Variants in EVPL observed in about 807,000 individuals in gnomAD.
EVPL encodes the protein envoplakin, also known as 210 kDa cornified envelope precursor protein.
Under a neutral mutation model 129.7 loss-of-function variants are expected in EVPL, and 94 were observed. The observed-to-expected ratio is 0.72, with a 90% CI of 0.61 to 0.86. The LOEUF is 0.86. Ranked by LOEUF, EVPL falls within the 40% of genes least tolerant of loss-of-function variation. The pLI is 0.00. For synonymous variants in EVPL, 1,172 were observed against 1,191.1 expected (o/e 0.98, Z 0.33); for missense variants, 2,625 against 2,721.1 (o/e 0.96, Z 0.79).
Position 76,017,863 on chromosome 17 carries a change from G to A in EVPL, c.1586C>T (p.Thr529Ile). 6.2e-7 allele frequency: 1 copy of A among 1,614,102 alleles called. No homozygotes were observed. Among genetic ancestry groups the A allele is most frequent in the Non-Finnish European group, 8.5e-7 (1 of 1,180,030 alleles). Residue 529 changes from threonine (T) to isoleucine (I), a missense_variant, in exon 14 of 22, where the codon ACA becomes ATA. By Grantham distance (89) the Thr-to-Ile change is moderately conservative. Transcript: ENST00000301607. Reference protein sequence around the residue: ...LANPQAQKLLTQMTRLDGDLG... With the variant: ...LANPQAQKLLIQMTRLDGDLG... ...GTCTCCATCCAGCCGGGTCATCTGT[G>A]TCAGGAGCTTCTGGGCCTGTGGGTT... is the stretch of plus-strand genomic sequence containing the variant.
intron 21 of EVPL, among the ~76,000 whole-genome samples, chr17:76,010,889 C>T (rs2066371961): frequency 6.6e-6 from 1 of 152,102 alleles, no homozygotes; most frequent in African/African-American, 2.4e-5. Context: ...AGTGAAACCC[C>T]ATCTCTACTA....
intron 9 of EVPL, among the ~76,000 whole-genome samples, chr17:76,020,554 T>C (rs898947065): frequency 2.6e-5 from 4 of 152,070 alleles, no homozygotes; most frequent in African/African-American, 7.2e-5. Context: ...TATAGGAAAA[T>C]GTATGAAACA....
chr17:76,018,321 A>G, intron 12 of EVPL, 63 bp from the exon 13 acceptor site: 2 of 1,516,832 alleles, frequency 1.3e-6, no homozygotes, highest in Non-Finnish European at 1.8e-6. Flanking sequence ...CCCCAGCCCC[A>G]GTAGACGCAG....
chr17:76,014,325 G>T (rs2066400001), intron 18 of EVPL, 101 bp downstream of exon 18: 2 of 1,450,434 alleles, frequency 1.4e-6, no homozygotes, highest in Admixed American at 4.9e-5. Context: ...AGGGGCCCAG[G>T]GCCTCCGTGG....
rs1363844681 is a variant in EVPL, at chr17:76,010,253, C to T, written c.2952G>A (p.Lys984=). 6 of 1,613,924 alleles carry T rather than the reference C, an allele frequency of 3.7e-6. No homozygotes were observed. Among genetic ancestry groups the T allele is most frequent in the Non-Finnish European group, 5.1e-6 (6 of 1,180,036 alleles). The change falls in exon 22 of 22, where the codon AAG becomes AAA. Residue 984 remains lysine (K), a synonymous_variant. Coordinates refer to ENST00000301607, the MANE Select transcript of EVPL (RefSeq NM_001988.4). The part of the protein sequence containing the change: ...RVKAQVEEEG[K]RRAGLQADLE... ...GGTCTGCCTGCAGGCCAGCCCGCCG[C>T]TTGCCCTCCTCCTCCACCTGGGCCT...
chr17:76,016,474 G>C (rs1207036374), intron 14 of EVPL, among the ~76,000 whole-genome samples: 2 of 152,224 alleles, frequency 1.3e-5, no homozygotes, highest in East Asian at 3.8e-4. Flanking sequence ...TGTGGCAGAT[G>C]CTATGACTTC....
At position 76,018,074 on chromosome 17, in the gene EVPL, C is replaced by T. The variant is rs375909732; in HGVS notation, c.1537+87G>A. 3.2e-4 allele frequency: 495 copies of T among 1,533,014 alleles called. 1 individual carries two copies. The East Asian group carries it at 5.3e-3, about 16-fold the overall frequency. The allele number at this position is 1,533,014 out of a possible 1,614,324, so 95.0% of individuals were successfully genotyped here. On this transcript the variant is annotated intron_variant, in intron 13 of 21. Transcript: ENST00000301607. ...CAGAGTGATGGTCCCTAACCCAAGG[C>T]GACCCCTGCCCATCACAGACCAGTC... is the stretch of plus-strand genomic sequence containing the variant.
chr17:76,009,816 A>T lies in EVPL; in HGVS notation c.3389T>A (p.Val1130Glu). Residue 1130 changes from valine to glutamate, a missense_variant, in exon 22 of 22, where the codon GTG becomes GAG. By Grantham distance (121) the Val-to-Glu change is moderately radical. This residue lies in a region of EVPL where 1,453 missense variants were observed against 1,511.8 expected (regional missense o/e 0.96). Transcript: ENST00000301607. The surrounding 1 kb of genome is among the most constrained non-coding windows in gnomAD (Gnocchi z 5.9). Reference protein sequence around the residue: ...IEDLERAISSVEPKVIVKEVK... With the variant: ...IEDLERAISSEEPKVIVKEVK... ...CTCCTTCACGATGACCTTGGGCTCC[A>T]CCGAGCTGATAGCCCGCTCCAGGTC... 5.0e-6 allele frequency: 8 copies of T among 1,613,888 alleles called. No individual in the cohort carries two copies. Among genetic ancestry groups the T allele is most frequent in the Non-Finnish European group, 5.9e-6 (7 of 1,180,004 alleles).
Position 76,017,909 on chromosome 17 carries a change from G to C in EVPL, c.1540C>G (p.Pro514Ala), listed in dbSNP as rs150800577. 6.9e-4 allele frequency: 1,109 copies of C among 1,614,036 alleles called. 4 individuals carry two copies. The highest frequency in any genetic ancestry group is 9.2e-4 in the Non-Finnish European group (1,084 of 1,180,026). ...VESLRPSQQA[P>A]SGSDLANPQA... The stretch of plus-strand genomic sequence containing the variant: ...GGGTTGGCCAGGTCTGAGCCAGATG[G>C]AGCTGGGGGCAGAGGTGCTGGTGAG... Residue 514 changes from proline (P) to alanine (A), a missense_variant and splice_region_variant, in exon 14 of 22, where the codon CCA becomes GCA. By Grantham distance (27) the Pro-to-Ala change is conservative. This residue lies in a region of EVPL where 1,024 missense variants were observed against 997.5 expected (regional missense o/e 1.03). Coordinates refer to ENST00000301607, the MANE Select transcript of EVPL (RefSeq NM_001988.4).
Position 76,011,882 on chromosome 17 carries a change from C to T in EVPL, c.2458G>A (p.Asp820Asn). The T allele has an allele frequency of 6.2e-7, 1 of 1,613,186 alleles. No homozygotes were observed. Among genetic ancestry groups the T allele is most frequent in the Non-Finnish European group, 8.5e-7 (1 of 1,179,764 alleles). The change falls in exon 20 of 22, where the codon GAC (aspartate) becomes AAC (asparagine). Residue 820 changes from aspartate to asparagine, a missense_variant and splice_region_variant. By Grantham distance (23) the Asp-to-Asn change is conservative. Around this residue, in one of 4 missense-constraint regions of EVPL, gnomAD observed 1,024 missense variants for 997.5 expected, o/e 1.03. Coordinates refer to ENST00000301607, the MANE Select transcript of EVPL (RefSeq NM_001988.4). The part of the protein sequence containing the change: ...LSQALQAALQ[D>N]YELQADTYRC... ...TAGGTGTCTGCCTGGAGCTCATAGTCCTGAGCAGGGAGGAAAGGACAGCAG... is the reference window on the plus strand; with the variant it reads ...TAGGTGTCTGCCTGGAGCTCATAGTTCTGAGCAGGGAGGAAAGGACAGCAG...
At chr17:76,012,845 C>T (rs1342008189) in intron 18 of EVPL, among the ~76,000 whole-genome samples, 1 of 151,376 alleles carries the variant, frequency 6.6e-6, no homozygotes, top group African/African-American at 2.4e-5. Context: ...CCTGGATTCA[C>T]ACCATTCTCC....
chr17:76,010,878 T>G (rs143870930), intron 21 of EVPL, among the ~76,000 whole-genome samples: 1 of 152,040 alleles, frequency 6.6e-6, no homozygotes, highest in Non-Finnish European at 1.5e-5. Flanking sequence ...CTGATCAACA[T>G]AGTGAAACCC....
At position 76,018,167 on chromosome 17, in the gene EVPL, G is replaced by A; in HGVS notation, c.1531C>T (p.Gln511Ter). Residue 511 changes from glutamine to a stop codon, truncating the protein, a stop_gained, in exon 13 of 22, where the codon CAG (glutamine) becomes TAG (stop). Transcript: ENST00000301607. LOFTEE classifies it high-confidence loss of function. ...ASAVESLRPS[Q>*]QAPSGSDLAN... ...CCCGGGCCACCCTGGGTACCCTGCT[G>A]GCTGGGCCGAAGAGACTCCACAGCA... is the stretch of plus-strand genomic sequence containing the variant. The A allele has an allele frequency of 6.4e-7, 1 of 1,551,002 alleles. No individual in the cohort carries two copies.
Position 76,014,276 on chromosome 17 carries a change from C to A in EVPL, c.2373+150G>T. On this transcript the variant is annotated intron_variant, in intron 18 of 21. Coordinates refer to ENST00000301607, the MANE Select transcript of EVPL (RefSeq NM_001988.4). ...CCAGACAGAGATGGGCTGGCCCCGT[C>A]TGTGGGCAAAGAGGAGCATTTCAGC... The A allele has an allele frequency of 2.7e-6, 3 of 1,119,058 alleles. No homozygotes were observed. In the South Asian group the frequency reaches 4.8e-5, roughly 18 times the overall value. 69.3% of individuals were successfully genotyped at this position (1,119,058 alleles called of 1,614,324 possible).
chr17:76,018,987 G>T lies in EVPL; in HGVS notation c.1211C>A (p.Pro404His), dbSNP rs1467190919. 1 of 1,568,198 alleles carries T rather than the reference G, an allele frequency of 6.4e-7. No homozygotes were observed. Among genetic ancestry groups the T allele is most frequent in the East Asian group, 2.4e-5 (1 of 42,238 alleles). ...DLQRRSRDVAPLPQRRNPPQQ... is the reference protein window; with the variant it reads ...DLQRRSRDVAHLPQRRNPPQQ... Reference sequence around the variant, plus strand: ...AGGGGGGTTTCTTCGCTGTGGCAGAGGGGCCACATCCCGGCTTCGCCGCTG... The same window carrying T: ...AGGGGGGTTTCTTCGCTGTGGCAGATGGGCCACATCCCGGCTTCGCCGCTG... Residue 404 changes from proline to histidine, a missense_variant, in exon 11 of 22, where the codon CCT becomes CAT. This residue lies in a region of EVPL where 1,024 missense variants were observed against 997.5 expected (regional missense o/e 1.03). Coordinates refer to ENST00000301607, the MANE Select transcript of EVPL (RefSeq NM_001988.4).
At chr17:76,018,402 G>A in intron 12 of EVPL, 44 bp downstream of exon 12, 1 of 1,580,634 alleles carries the variant, frequency 6.3e-7, no homozygotes, top group Non-Finnish European at 8.6e-7. Context: ...GGGCCGGCCT[G>A]CTCTGCCCAC....
At chr17:76,017,401 G>T (rs1350661750) in intron 14 of EVPL, among the ~76,000 whole-genome samples, 2 of 152,122 alleles carry the variant, frequency 1.3e-5, no homozygotes, top group Non-Finnish European at 2.9e-5. Flanking sequence ...GATTCTCCAG[G>T]CTTCCTTGCT....
At chr17:76,011,462 AG>A in intron 21 of EVPL, 113 bp downstream of exon 21, 1 of 926,622 alleles carries the variant, frequency 1.1e-6, no homozygotes, top group Non-Finnish European at 1.7e-6. Flanking sequence ...TGCAGGCAGG[AG>A]GGAGAGGAGG....
intron 21 of EVPL, among the ~76,000 whole-genome samples, chr17:76,011,065 A>G (rs1022136718): frequency 1.3e-4 from 20 of 152,200 alleles, no homozygotes; most frequent in South Asian, 4.1e-4. Flanking sequence ...CCGTCTCAAA[A>G]AAAACAAAAA....
Sources: gnomAD v4.1 joint callset for allele counts (sites outside exome capture counted in the v4.1 genomes callset) on GRCh38, gnomAD v4.1.1 for gene constraint, gnomAD v4.1.1 regional missense constraint, Gnocchi (gnomAD v3.1) non-coding constraint, MANE v1.5 for transcripts, NCBI Gene and HGNC (gene_info 2026-07-23, HGNC 2026-07-21) for gene names.